TANC1: variants seen among roughly 807,000 people sequenced by gnomAD.
The protein encoded by TANC1 is tetratricopeptide repeat, ankyrin repeat and coiled-coil containing 1.
TANC1 carries 77 observed loss-of-function variants against 149.7 expected under a neutral mutation model. That is an observed-to-expected ratio of 0.51 (90% confidence interval 0.43 to 0.62). TANC1 has a LOEUF of 0.62. Among genes scored for constraint, TANC1 ranks in the 20% least tolerant of loss-of-function variants. TANC1 has a pLI of 0.00. For synonymous variants in TANC1, 854 were observed against 925.0 expected (o/e 0.92, Z 1.39); for missense variants, 1,985 against 2,321.8 (o/e 0.85, Z 2.98).
At chr2:159,015,005 G>A (rs2038123435) in intron 2 of TANC1, among the ~76,000 whole-genome samples, 1 of 152,214 alleles carries the variant, frequency 6.6e-6, no homozygotes, top group African/African-American at 2.4e-5. Context: ...GGGGTCTGGA[G>A]GATGATGGCC....
rs139189307 is a variant in TANC1, at chr2:159,209,454, T to C, written c.3245-8043T>C. On this transcript the variant is annotated intron_variant, in intron 19 of 26. Transcript: ENST00000263635. Reference sequence around the variant, plus strand: ...TTGGCTTCTGTAAATCTTAGTCCTATTTCTAGAAGGTGGGGCGGGGAGGCA... The same window carrying C: ...TTGGCTTCTGTAAATCTTAGTCCTACTTCTAGAAGGTGGGGCGGGGAGGCA... Among the ~76,000 whole-genome samples, 116 of 152,276 alleles carry C rather than the reference T, an allele frequency of 7.6e-4. 2 individuals are homozygous for C. Among genetic ancestry groups the C allele is most frequent in the African/African-American group, 2.7e-3 (112 of 41,562 alleles).
At chr2:158,981,931 C>T (rs1312719889) in intron 1 of TANC1, among the ~76,000 whole-genome samples, 1 of 152,058 alleles carries the variant, frequency 6.6e-6, no homozygotes, top group East Asian at 1.9e-4. Context: ...AGGACACCCT[C>T]GGGGTGATAA....
At chr2:159,147,825 G>T (rs2150301457) in intron 5 of TANC1, 1 of 152,372 alleles carries the variant, frequency 6.6e-6, no homozygotes, top group Non-Finnish European at 1.5e-5. Context: ...GGGGTGGGAA[G>T]CTTTTCCTTT....
chr2:159,231,348 G>A lies in TANC1; in HGVS notation c.*336G>A. ...GGTAGAATCACAGAACTTACTTAGA[G>A]AATAAATATGTCTATTGTTCAAGAG... On this transcript the variant is annotated 3_prime_UTR_variant, in exon 27 of 27. Coordinates refer to ENST00000263635, the MANE Select transcript of TANC1 (RefSeq NM_033394.3). 1.4e-5 allele frequency: 3 copies of A among 206,968 alleles called. No homozygotes were observed. The highest frequency in any genetic ancestry group is 1.2e-4 in the East Asian group (1 of 8,476). 12.8% of individuals were successfully genotyped at this position (206,968 alleles called of 1,614,324 possible). A position where few individuals can be genotyped will look rare whatever the true frequency, so the allele number is the denominator to read the frequency against.
chr2:159,029,451 A>G (rs2149471596), intron 2 of TANC1, among the ~76,000 whole-genome samples: 1 of 152,354 alleles, frequency 6.6e-6, no homozygotes, highest in South Asian at 2.1e-4. Context: ...TGCATGGCAT[A>G]CAGAGTGGGT....
chr2:159,135,107 G>C (rs757205652), intron 4 of TANC1, among the ~76,000 whole-genome samples: 1 of 152,260 alleles, frequency 6.6e-6, no homozygotes, highest in South Asian at 2.1e-4. Flanking sequence ...CCACAGGCCT[G>C]CATAGCCTGC....
chr2:159,003,986 T>C, intron 2 of TANC1: 1 of 1,612,494 alleles, frequency 6.2e-7, no homozygotes, highest in Admixed American at 1.7e-5. Flanking sequence ...AAAAACTGGC[T>C]GTGAATAATA....
intron 16 of TANC1, 57 bp from the exon 17 acceptor site, chr2:159,194,200 C>T (rs2057682445): frequency 6.9e-7 from 1 of 1,442,394 alleles, no homozygotes; most frequent in South Asian, 1.1e-5. Context: ...TGCCCATTTC[C>T]AGAAATGTTT....
intron 11 of TANC1, 67 bp from the exon 12 acceptor site, chr2:159,174,886 G>A: frequency 8.0e-7 from 1 of 1,255,152 alleles, no homozygotes; most frequent in Non-Finnish European, 1.2e-6. Flanking sequence ...TTGTGTTCCT[G>A]TTTGAGATTG....
intron 7 of TANC1, among the ~76,000 whole-genome samples, chr2:159,152,345 A>G (rs529928625): frequency 6.6e-6 from 1 of 152,134 alleles, no homozygotes; most frequent in East Asian, 1.9e-4. Context: ...TTCTTCTGAA[A>G]TTTTGTCTCC....
intron 22 of TANC1, 32 bp downstream of exon 22, chr2:159,219,899 C>T (rs749278975): frequency 6.2e-7 from 1 of 1,610,270 alleles, no homozygotes; most frequent in East Asian, 2.2e-5. Flanking sequence ...CCACCTCCAC[C>T]TGCATTGGAA....
intron 16 of TANC1, among the ~76,000 whole-genome samples, chr2:159,192,768 G>C (rs752366230): frequency 5.9e-5 from 9 of 152,176 alleles, no homozygotes; most frequent in Non-Finnish European, 1.2e-4. Context: ...TCCTGCATCA[G>C]TCTCCTGAGT....
intron 22 of TANC1, among the ~76,000 whole-genome samples, chr2:159,220,675 TG>T (rs2059648417): frequency 2.0e-5 from 3 of 151,840 alleles, no homozygotes. Flanking sequence ...ACTGCAGCCT[TG>T]TTCTCCTGGT....
intron 7 of TANC1, among the ~76,000 whole-genome samples, chr2:159,157,479 G>A (rs2053560303): frequency 6.6e-6 from 1 of 152,206 alleles, no homozygotes; most frequent in African/African-American, 2.4e-5. Context: ...TGCTGGGTGT[G>A]AGGTGTGGGT....
intron 4 of TANC1, among the ~76,000 whole-genome samples, chr2:159,127,693 A>G (rs2049606124): frequency 6.6e-6 from 1 of 152,186 alleles, no homozygotes; most frequent in Non-Finnish European, 1.5e-5. Flanking sequence ...GAAGAACAAC[A>G]CATACCGGGG....
Position 159,228,814 on chromosome 2 carries a change from G to A in TANC1, c.4069G>A (p.Glu1357Lys). The change falls in exon 26 of 27, where the codon GAA becomes AAA. Residue 1357 changes from glutamate to lysine, a missense_variant. Transcript: ENST00000263635. Reference sequence around the variant, plus strand: ...ACACCAGGACTTTGGCATGGCAGAGGAATTTGCTTCCAAGGCTCTCGAATT... The same window carrying A: ...ACACCAGGACTTTGGCATGGCAGAGAAATTTGCTTCCAAGGCTCTCGAATT... ...RKTNDFGMAE[E>K]FASKALELKP... The A allele has an allele frequency of 6.2e-7, 1 of 1,614,088 alleles. No homozygotes were observed. The highest frequency in any genetic ancestry group is 8.5e-7 in the Non-Finnish European group (1 of 1,179,958).
chr2:159,169,733 C>T (rs1007231885), intron 9 of TANC1, among the ~76,000 whole-genome samples: 2 of 152,128 alleles, frequency 1.3e-5, no homozygotes, highest in African/African-American at 4.8e-5. Flanking sequence ...TGGCTCATGC[C>T]TGTAATCCCA....
At chr2:159,032,354 C>T (rs765214061) in intron 2 of TANC1, among the ~76,000 whole-genome samples, 21 of 152,158 alleles carry the variant, frequency 1.4e-4, no homozygotes, top group Non-Finnish European at 3.1e-4. Context: ...AGTCCCCATT[C>T]CTATTTTTGA....
chr2:159,204,746 A>T (rs748599261), intron 19 of TANC1, among the ~76,000 whole-genome samples: 2 of 152,208 alleles, frequency 1.3e-5, no homozygotes, highest in African/African-American at 4.8e-5. Context: ...AAGTGTTTTT[A>T]TGTTAAGTCA....
Sources: allele counts gnomAD v4.1 joint callset (sites outside exome capture counted in the v4.1 genomes callset), GRCh38; gene constraint gnomAD v4.1.1; transcripts MANE v1.5; gene names NCBI Gene and HGNC (gene_info 2026-07-23, HGNC 2026-07-21).